The following EVI5 variants were observed in gnomAD, a reference collection of about 807,000 sequenced individuals.
EVI5 encodes the protein ecotropic viral integration site 5 protein homolog.
A neutral mutation model predicts 112.0 loss-of-function variants in EVI5; 73 were observed. The ratio of observed to expected loss-of-function variants is 0.65; its 90% CI spans 0.54 to 0.79. The LOEUF (loss-of-function observed/expected upper bound fraction) is 0.79, where lower values mean the gene tolerates loss of function less well. Among genes scored for constraint, EVI5 ranks in the 30% least tolerant of loss-of-function variants. EVI5 has a pLI of 0.00. For missense variants in EVI5, 900 were observed against 968.8 expected, an observed-to-expected ratio of 0.93 and a Z score of 0.94; for synonymous variants, 305 against 319.9, an observed-to-expected ratio of 0.95 and a Z score of 0.50.
At chr1:92,704,460 A>C (rs1671673535) in intron 3 of EVI5, 95 bp downstream of exon 3, 1 of 704,568 alleles carries the variant, frequency 1.4e-6, no homozygotes, top group South Asian at 2.7e-5. Context: ...TATAGCTTGG[A>C]AGTTGTATTT....
intron 1 of EVI5, among the ~76,000 whole-genome samples, chr1:92,762,602 TGAG>T (rs1322323865): frequency 2.0e-5 from 3 of 152,188 alleles, no homozygotes; most frequent in Non-Finnish European, 4.4e-5. Context: ...GTCATGACCC[TGAG>T]GATTTTATTG....
Position 92,662,846 on chromosome 1 carries a change from T to C in EVI5, c.1265A>G (p.Gln422Arg). Reference protein sequence around the residue: ...RLIQGQVTRAQEAEENYLIKR... With the variant: ...RLIQGQVTRAREAEENYLIKR... ...TATGAGGTAGTTTTCCTCAGCCTCC[T>C]GGGCTCTTGTCACTTGTCCCTTAGG... Residue 422 changes from glutamine (Q) to arginine (R), a missense_variant, in exon 13 of 20, where the codon CAG becomes CGG. Physicochemically the swap from Gln to Arg is conservative, Grantham distance 43. Coordinates refer to ENST00000684568, the MANE Select transcript of EVI5 (RefSeq NM_001350197.2). 1 of 1,288,124 alleles carries C rather than the reference T, an allele frequency of 7.8e-7. No homozygotes were observed. The highest frequency in any genetic ancestry group is 1.0e-6 in the Non-Finnish European group (1 of 988,442). 79.8% of individuals were successfully genotyped at this position (1,288,124 alleles called of 1,614,324 possible). A position where few individuals can be genotyped will look rare whatever the true frequency, so the allele number is the denominator to read the frequency against.
At position 92,513,559 on chromosome 1, in the gene EVI5, ATATATATG is replaced by A. The variant is rs1557686808; in HGVS notation, c.*89_*96del. On this transcript the variant is annotated 3_prime_UTR_variant, in exon 20 of 20. Transcript: ENST00000684568. ...TATATATATATATATATATATATAT[ATATATATG>A]TACATATGAAACAAATTATTTCCAA... The A allele has an allele frequency of 4.3e-5, 1 of 23,248 alleles. No individual in the cohort carries two copies. Among genetic ancestry groups the A allele is most frequent in the South Asian group, 1.3e-3 (1 of 760 alleles). The allele number at this position is 23,248 out of a possible 1,614,324, so 1.4% of individuals were successfully genotyped here.
At chr1:92,717,228 C>G (rs576749371) in intron 2 of EVI5, among the ~76,000 whole-genome samples, 1 of 151,960 alleles carries the variant, frequency 6.6e-6, no homozygotes, top group Non-Finnish European at 1.5e-5. Context: ...AGAAGAGCAA[C>G]CCCAAGACAC....
At chr1:92,746,582 C>T (rs1267299138) in intron 1 of EVI5, among the ~76,000 whole-genome samples, 1 of 151,884 alleles carries the variant, frequency 6.6e-6, no homozygotes. Flanking sequence ...AAAAATTAGC[C>T]GGGTGTAGTG....
intron 19 of EVI5, among the ~76,000 whole-genome samples, chr1:92,530,417 A>G (rs1662666584): frequency 1.3e-5 from 2 of 152,100 alleles, no homozygotes; most frequent in South Asian, 4.1e-4. Flanking sequence ...CGGATCTCCC[A>G]ACACAGCGTT....
At chr1:92,698,301 A>C (rs1410285103) in intron 5 of EVI5, among the ~76,000 whole-genome samples, 1 of 152,204 alleles carries the variant, frequency 6.6e-6, no homozygotes, top group Non-Finnish European at 1.5e-5. Flanking sequence ...CAAAATAAAC[A>C]CAATCTCTAT....
intron 18 of EVI5, among the ~76,000 whole-genome samples, chr1:92,602,634 T>C (rs2101543973): frequency 6.6e-6 from 1 of 152,286 alleles, no homozygotes; most frequent in South Asian, 2.1e-4. Flanking sequence ...CTTGAACTCC[T>C]GGCCTCCAGC....
At chr1:92,780,008 C>A (rs185267263) in intron 1 of EVI5, among the ~76,000 whole-genome samples, 1 of 152,298 alleles carries the variant, frequency 6.6e-6, no homozygotes, top group African/African-American at 2.4e-5. Flanking sequence ...TCTGTGTCCC[C>A]ACCCAAATCT....
chr1:92,707,179 C>CAAAAAAAAA (rs1299441165), intron 2 of EVI5, among the ~76,000 whole-genome samples: 54 of 26,382 alleles, frequency 2.0e-3, no homozygotes, highest in African/African-American at 3.0e-3. Context: ...AACTCTGTCT[C>CAAAAAAAAA]AAAAAAAAAA....
At chr1:92,666,417 C>T (rs1664896031) in intron 10 of EVI5, among the ~76,000 whole-genome samples, 2 of 146,166 alleles carry the variant, frequency 1.4e-5, no homozygotes, top group Admixed American at 7.0e-5. Flanking sequence ...AATGGTGGTG[C>T]GAATCTGTCG....
At chr1:92,576,280 T>C (rs1182216509) in intron 18 of EVI5, among the ~76,000 whole-genome samples, 3 of 152,222 alleles carry the variant, frequency 2.0e-5, no homozygotes, top group African/African-American at 4.8e-5. Context: ...ATATTTTGTA[T>C]ATGTACATTA....
Position 92,531,059 on chromosome 1 carries a change from C to T in EVI5, c.2167-17089G>A, listed in dbSNP as rs527540710. Among the ~76,000 whole-genome samples, 89 of 151,880 alleles carry T rather than the reference C, an allele frequency of 5.9e-4. 1 individual carries two copies. The South Asian group carries it at 0.017, about 29-fold the overall frequency. On this transcript the variant is annotated intron_variant, in intron 19 of 19. Transcript: ENST00000684568. The stretch of plus-strand genomic sequence containing the variant: ...CCTTGAAAAAAGGTCAGATGAATTG[C>T]GAACTAGAATAACCAGTTTAGAGAA...
At chr1:92,738,170 C>T (rs999843342) in intron 1 of EVI5, among the ~76,000 whole-genome samples, 2 of 152,032 alleles carry the variant, frequency 1.3e-5, no homozygotes, top group Admixed American at 6.6e-5. Flanking sequence ...ATAATTTAGC[C>T]AAAACTTTAT....
chr1:92,596,737 GGT>G (rs1647989668), intron 18 of EVI5, among the ~76,000 whole-genome samples: 1 of 152,072 alleles, frequency 6.6e-6, no homozygotes, highest in South Asian at 2.1e-4. Context: ...TGGGATTACA[GGT>G]GTGAGCCACC....
intron 16 of EVI5, among the ~76,000 whole-genome samples, chr1:92,621,200 G>C (rs1241130158): frequency 6.6e-6 from 1 of 152,126 alleles, no homozygotes; most frequent in Non-Finnish European, 1.5e-5. Flanking sequence ...ACAAAGAACA[G>C]ATGGAATAAA....
intron 18 of EVI5, among the ~76,000 whole-genome samples, chr1:92,583,851 T>C (rs1038346123): frequency 2.0e-5 from 3 of 152,102 alleles, no homozygotes; most frequent in African/African-American, 2.4e-5. Flanking sequence ...TAATATATTT[T>C]AACATTTTAC....
intron 1 of EVI5, among the ~76,000 whole-genome samples, chr1:92,763,381 C>T (rs940031464): frequency 1.3e-5 from 2 of 151,830 alleles, no homozygotes; most frequent in South Asian, 2.1e-4. Flanking sequence ...ACAGAAACAT[C>T]GGAAATTTTC....
intron 16 of EVI5, among the ~76,000 whole-genome samples, chr1:92,608,541 T>C (rs1437431084): frequency 2.6e-5 from 4 of 151,864 alleles, no homozygotes; most frequent in African/African-American, 4.8e-5. Context: ...CCGTATCTAC[T>C]AAAAATACAA....
Sources: gnomAD v4.1 joint callset for allele counts (sites outside exome capture counted in the v4.1 genomes callset) on GRCh38, gnomAD v4.1.1 for gene constraint, MANE v1.5 for transcripts, NCBI Gene and HGNC (gene_info 2026-07-23, HGNC 2026-07-21) for gene names.